CNOT1: variants seen among roughly 807,000 people sequenced by gnomAD.
CNOT1 encodes the protein CCR4-associated factor 1.
In CNOT1, 15 loss-of-function variants were observed where a neutral mutation model predicts 273.8. That is an observed-to-expected ratio of 0.05 (90% CI 0.04 to 0.08). The LOEUF is 0.08. CNOT1 is among the 10% of genes least tolerant of loss of function. The probability of loss-of-function intolerance (pLI) is 1.00; values close to 1 mark genes in which losing one functional copy is unlikely to be tolerated. For synonymous variants in CNOT1, 1,022 were observed against 1,005.5 expected (o/e 1.02, Z -0.31); for missense variants, 1,644 against 2,912.2 (o/e 0.56, Z 10.02).
intron 2 of CNOT1, chr16:58,597,721 C>T: frequency 1.9e-6 from 1 of 516,216 alleles, no homozygotes; most frequent in South Asian, 1.4e-5. Flanking sequence ...ACCCACTGCA[C>T]AGGAGGGTGT....
chr16:58,564,747 T>G, intron 16 of CNOT1, among the ~76,000 whole-genome samples: 1 of 151,980 alleles, frequency 6.6e-6, no homozygotes. Context: ...CTGGCCAACA[T>G]GATGAAACCC....
At chr16:58,582,052 C>T (rs2041675626) in intron 10 of CNOT1, among the ~76,000 whole-genome samples, 1 of 149,442 alleles carries the variant, frequency 6.7e-6, no homozygotes, top group South Asian at 2.1e-4. Context: ...GGAAGGAGGG[C>T]GCATTGCCTG....
At position 58,613,330 on chromosome 16, in the gene CNOT1, C is replaced by CCTACAAGGACTTTGTT. The variant is rs1271593879; in HGVS notation, c.-174-13820_-174-13819insAACAAAGTCCTTGTAG. 3.8e-3 allele frequency among the ~76,000 whole-genome samples: 504 copies of CCTACAAGGACTTTGTT among 133,578 alleles called. 20 individuals carry two copies. Among genetic ancestry groups the CCTACAAGGACTTTGTT allele is most frequent in the Middle Eastern group, 7.6e-3 (2 of 262 alleles). The allele number at this position is 133,578 out of a possible 152,430, so 87.6% of individuals were successfully genotyped here. On this transcript the variant is annotated intron_variant, in intron 1 of 48. Coordinates refer to ENST00000317147, the MANE Select transcript of CNOT1 (RefSeq NM_016284.5). ...TACAGGCTTGAGTCACCACGCCTGG[C>CCTACAAGGACTTTGTT]TTAGAGGTTAAGTCTAAAACAAGCA...
Position 58,578,685 on chromosome 16 carries a change from C to G in CNOT1, c.1584+14G>C. 6.2e-7 allele frequency: 1 copy of G among 1,611,166 alleles called. No homozygotes were observed. Among genetic ancestry groups the G allele is most frequent in the Non-Finnish European group, 8.5e-7 (1 of 1,177,776 alleles). On this transcript the variant is annotated intron_variant, in intron 13 of 48. Coordinates refer to ENST00000317147, the MANE Select transcript of CNOT1 (RefSeq NM_016284.5). ...TTCAGATGAAAAAATGGTAAGCACA[C>G]GGTCACATCTTACCTGCCCATGCCA...
At position 58,523,220 on chromosome 16, in the gene CNOT1, G is replaced by A. The variant is rs147012235; in HGVS notation, c.6917+150C>T. 338 of 722,606 alleles carry A rather than the reference G, an allele frequency of 4.7e-4. 1 individual carries two copies. The African/African-American group carries it at 5.5e-3, about 12-fold the overall frequency. The allele number at this position is 722,606 out of a possible 1,614,324, so 44.8% of individuals were successfully genotyped here. ...AGATGGCGCCACTGTACTGCAGACT[G>A]AGTGACAGAGCAACACTCCGTCTCA... On this transcript the variant is annotated intron_variant, in intron 47 of 48. Coordinates refer to ENST00000317147, the MANE Select transcript of CNOT1 (RefSeq NM_016284.5).
chr16:58,629,028 C>T (rs1019484552), intron 1 of CNOT1, among the ~76,000 whole-genome samples: 1 of 152,260 alleles, frequency 6.6e-6, no homozygotes, highest in Non-Finnish European at 1.5e-5. Flanking sequence ...CTACTGCAGA[C>T]ACCGGACCGA....
chr16:58,542,784 A>G (rs2040134092), intron 31 of CNOT1, among the ~76,000 whole-genome samples: 2 of 152,174 alleles, frequency 1.3e-5, no homozygotes. Context: ...GTTTATTGTG[A>G]ACATGCCTTA....
intron 16 of CNOT1, among the ~76,000 whole-genome samples, chr16:58,572,422 C>T (rs1339731567): frequency 6.6e-6 from 1 of 151,990 alleles, no homozygotes; most frequent in East Asian, 1.9e-4. Flanking sequence ...ATGCCTTGAG[C>T]CCAGGAGTTC....
chr16:58,573,761 A>G (rs952296292), intron 16 of CNOT1, among the ~76,000 whole-genome samples: 3 of 151,682 alleles, frequency 2.0e-5, no homozygotes, highest in South Asian at 2.1e-4. Context: ...GATTACAGGC[A>G]TGAGCCACCG....
At chr16:58,607,552 C>A (rs2042722091) in intron 1 of CNOT1, among the ~76,000 whole-genome samples, 1 of 151,626 alleles carries the variant, frequency 6.6e-6, no homozygotes, top group African/African-American at 2.4e-5. Context: ...CATGGAGAAA[C>A]CCCATCACTA....
intron 1 of CNOT1, among the ~76,000 whole-genome samples, chr16:58,600,326 G>C (rs79105039): frequency 6.6e-6 from 1 of 151,800 alleles, no homozygotes; most frequent in African/African-American, 2.4e-5. Flanking sequence ...AGTGGTACTC[G>C]GTCTCAAAAA....
chr16:58,583,131 T>A lies in CNOT1; in HGVS notation c.858A>T (p.Thr286=), dbSNP rs779953502. Residue 286 remains threonine (T), a synonymous_variant, in exon 9 of 49, where the codon ACA becomes ACT. Coordinates refer to ENST00000317147, the MANE Select transcript of CNOT1 (RefSeq NM_016284.5). ...CCAAAACCCTTGCAACCTGGGCAGC[T>A]GTGACCTCCCGAACACCAAACTGCA... The part of the protein sequence containing the change: ...IIVQFGVREV[T]AAQVARVLGM... The A allele has an allele frequency of 6.2e-7, 1 of 1,614,094 alleles. No individual in the cohort carries two copies. Among genetic ancestry groups the A allele is most frequent in the South Asian group, 1.1e-5 (1 of 91,086 alleles).
At chr16:58,546,839 G>C in intron 27 of CNOT1, 90 bp from the exon 28 acceptor site, 6 of 1,502,664 alleles carry the variant, frequency 4.0e-6, no homozygotes, top group Non-Finnish European at 5.4e-6. Context: ...AAGGGGGTAG[G>C]GGGGAGTCAA....
Position 58,528,501 on chromosome 16 carries a change from G to C in CNOT1, c.6427C>G (p.Pro2143Ala). The change falls in exon 44 of 49, where the codon CCC becomes GCC. Residue 2143 changes from proline to alanine, a missense_variant. Pro to Ala is a conservative substitution (Grantham distance 27). Coordinates refer to ENST00000317147, the MANE Select transcript of CNOT1 (RefSeq NM_016284.5). ...TTTAGATTAGGAGTGAATGGGTCGG[G>C]GAGCCTCATGTTTCTTGGAAAGGCA... ...LSAFPRNMRL[P>A]DPFTPNLKVD... 4.3e-6 allele frequency: 7 copies of C among 1,613,608 alleles called. No homozygotes were observed. Among genetic ancestry groups the C allele is most frequent in the Non-Finnish European group, 5.9e-6 (7 of 1,179,678 alleles).
intron 43 of CNOT1, among the ~76,000 whole-genome samples, chr16:58,529,880 CAACA>C (rs1597401648): frequency 7.2e-6 from 1 of 139,112 alleles, no homozygotes; most frequent in Non-Finnish European, 1.6e-5. Flanking sequence ...GATAAATCAC[CAACA>C]AACAAAATTC....
At chr16:58,557,056 C>T in intron 18 of CNOT1, 63 bp from the exon 19 acceptor site, 2 of 1,568,034 alleles carry the variant, frequency 1.3e-6, no homozygotes, top group Non-Finnish European at 1.7e-6. Flanking sequence ...TTATTCACAT[C>T]TCAGATATAT....
chr16:58,546,851 C>A, intron 27 of CNOT1, 102 bp from the exon 28 acceptor site: 2 of 1,407,528 alleles, frequency 1.4e-6, no homozygotes, highest in South Asian at 1.3e-5. Context: ...GGGAGTCAAA[C>A]AAATAAAAAA....
At chr16:58,534,873 A>G (rs1028304718) in intron 39 of CNOT1, among the ~76,000 whole-genome samples, 2 of 152,238 alleles carry the variant, frequency 1.3e-5, no homozygotes, top group Non-Finnish European at 2.9e-5. Context: ...CCAACAAGCT[A>G]CCCCCAGAAA....
chr16:58,582,345 G>A (rs1405759894), intron 10 of CNOT1, among the ~76,000 whole-genome samples: 2 of 152,062 alleles, frequency 1.3e-5, no homozygotes, highest in Non-Finnish European at 2.9e-5. Flanking sequence ...AATGGCTCAC[G>A]CTTGTAATCC....
Sources: allele counts gnomAD v4.1 joint callset (sites outside exome capture counted in the v4.1 genomes callset), GRCh38; gene constraint gnomAD v4.1.1; transcripts MANE v1.5; gene names NCBI Gene and HGNC (gene_info 2026-07-23, HGNC 2026-07-21).